The following ROBO2 variants were observed in gnomAD, a reference collection of about 807,000 sequenced individuals.
ROBO2 encodes the protein roundabout homolog 2.
A neutral mutation model predicts 160.8 loss-of-function variants in ROBO2; 53 were observed. The observed-to-expected ratio is 0.33, with a 90% CI of 0.26 to 0.41. ROBO2 has a LOEUF of 0.41. ROBO2 is among the 10% of genes least tolerant of loss of function. The pLI is 1.00. For missense variants in ROBO2, 1,577 were observed against 1,722.4 expected (o/e 0.92, Z 1.49); for synonymous variants, 664 against 611.7 (o/e 1.09, Z -1.26).
At chr3:75,932,967 C>T (rs1947610627) in intron 1 of ROBO2, among the ~76,000 whole-genome samples, 1 of 152,072 alleles carries the variant, frequency 6.6e-6, no homozygotes, top group Non-Finnish European at 1.5e-5. Context: ...ATATACATTA[C>T]AATATTAATT....
chr3:76,081,349 A>C (rs748940020), intron 2 of ROBO2, among the ~76,000 whole-genome samples: 3 of 152,076 alleles, frequency 2.0e-5, no homozygotes, highest in Non-Finnish European at 2.9e-5. Flanking sequence ...ATGTAACTGA[A>C]ACTGTCTGAA....
Position 77,644,690 on chromosome 3 carries a change from T to A in ROBO2, c.3935-14T>A. 6.2e-7 allele frequency: 1 copy of A among 1,613,766 alleles called. No individual in the cohort carries two copies. The highest frequency in any genetic ancestry group is 8.5e-7 in the Non-Finnish European group (1 of 1,179,894). ...TCTGTTCAATTTAGCCTTTGGGTTT[T>A]TTTTCTTTTTCAGAGGAGGCCTTGG... is the stretch of plus-strand genomic sequence containing the variant. On this transcript the variant is annotated splice_polypyrimidine_tract_variant and intron_variant, in intron 24 of 25. Coordinates refer to ENST00000461745, the Ensembl canonical transcript of ROBO2.
intron 2 of ROBO2, among the ~76,000 whole-genome samples, chr3:77,212,606 C>T (rs1340433077): frequency 6.6e-6 from 1 of 152,154 alleles, no homozygotes; most frequent in Non-Finnish European, 1.5e-5. Flanking sequence ...GAACTTCCAA[C>T]ACTATGTTGA....
At chr3:77,499,386 T>G (rs1030662952) in intron 5 of ROBO2, among the ~76,000 whole-genome samples, 1 of 152,276 alleles carries the variant, frequency 6.6e-6, no homozygotes, top group African/African-American at 2.4e-5. Context: ...CCATCCATTC[T>G]AACTCAAAGG....
chr3:76,641,373 T>A (rs1250612129), intron 2 of ROBO2, among the ~76,000 whole-genome samples: 1 of 152,196 alleles, frequency 6.6e-6, no homozygotes, highest in South Asian at 2.1e-4. Flanking sequence ...GATATTGTTA[T>A]CAACAATACA....
chr3:76,443,525 T>C (rs941056792), intron 2 of ROBO2, among the ~76,000 whole-genome samples: 2 of 152,146 alleles, frequency 1.3e-5, no homozygotes, highest in South Asian at 4.1e-4. Context: ...GAGTGTGTCA[T>C]AGAAATTCAG....
chr3:77,248,129 G>A (rs1000806053), intron 2 of ROBO2, among the ~76,000 whole-genome samples: 1 of 152,114 alleles, frequency 6.6e-6, no homozygotes, highest in Non-Finnish European at 1.5e-5. Context: ...ACAGCTTAAC[G>A]GTGTAGCTTC....
chr3:76,036,650 A>G lies in ROBO2; in HGVS notation c.109+99048A>G, dbSNP rs528303758. On this transcript the variant is annotated intron_variant, in intron 2 of 26. Coordinates refer to the ROBO2 transcript ENST00000487694. ...CTCCCTAGTAGCTGGGATTACAGGCATGCACCACCGTACCCAGCTAATTTT... is the reference window on the plus strand; with the variant it reads ...CTCCCTAGTAGCTGGGATTACAGGCGTGCACCACCGTACCCAGCTAATTTT... Among the ~76,000 whole-genome samples, 10 of 151,086 alleles carry G rather than the reference A, an allele frequency of 6.6e-5. 1 individual carries two copies. In the East Asian group the frequency reaches 2.0e-3, roughly 30 times the overall value.
intron 2 of ROBO2, among the ~76,000 whole-genome samples, chr3:76,334,456 A>C (rs892609467): frequency 6.6e-6 from 1 of 152,222 alleles, no homozygotes; most frequent in African/African-American, 2.4e-5. Flanking sequence ...CTGAGCACCC[A>C]GTGAGAGAAA....
At chr3:77,529,653 A>G (rs1721178) in intron 6 of ROBO2, among the ~76,000 whole-genome samples, 114,670 of 151,646 alleles carry the variant, frequency 0.76, 43,618 homozygotes, top group Admixed American at 0.82. Context: ...CATCTGCAAG[A>G]TGTTTCCAAA....
chr3:76,647,512 A>G (rs1315896990), intron 2 of ROBO2, among the ~76,000 whole-genome samples: 2 of 152,236 alleles, frequency 1.3e-5, no homozygotes, highest in African/African-American at 4.8e-5. Flanking sequence ...AGTAAAAGAA[A>G]GAAAAAATTG....
At chr3:77,368,945 G>A (rs9835355) in intron 2 of ROBO2, among the ~76,000 whole-genome samples, 46,799 of 151,980 alleles carry the variant, frequency 0.31, 7,759 homozygotes, top group Non-Finnish European at 0.38. Flanking sequence ...TAATTAATTC[G>A]AAAATTATGC....
chr3:77,598,461 AAT>A (rs1467788979), intron 19 of ROBO2, among the ~76,000 whole-genome samples: 1 of 146,786 alleles, frequency 6.8e-6, no homozygotes, highest in African/African-American at 2.5e-5. Context: ...ATTTATATAG[AAT>A]ATATATATTT....
At chr3:77,059,535 C>A (rs1009402775) in intron 1 of ROBO2, among the ~76,000 whole-genome samples, 23 of 152,146 alleles carry the variant, frequency 1.5e-4, no homozygotes, top group African/African-American at 5.3e-4. Context: ...AGTGGAAAGA[C>A]CCTATTTAAA....
At chr3:77,062,937 G>T (rs370351084) in intron 1 of ROBO2, among the ~76,000 whole-genome samples, 4 of 152,174 alleles carry the variant, frequency 2.6e-5, no homozygotes, top group East Asian at 1.9e-4. Context: ...CTAGTCTAAT[G>T]GCCTCCCAGT....
intron 15 of ROBO2, among the ~76,000 whole-genome samples, chr3:77,579,554 G>C (rs1048947158): frequency 3.9e-5 from 6 of 152,064 alleles, no homozygotes; most frequent in African/African-American, 1.4e-4. Flanking sequence ...AATAAATCTT[G>C]ATAAATAAAA....
chr3:77,266,650 A>G (rs1339957695), intron 2 of ROBO2, among the ~76,000 whole-genome samples: 2 of 152,156 alleles, frequency 1.3e-5, no homozygotes, highest in Non-Finnish European at 2.9e-5. Flanking sequence ...AGACTTCTGT[A>G]TAAATCCCTG....
intron 2 of ROBO2, among the ~76,000 whole-genome samples, chr3:76,220,910 C>T (rs6793680): frequency 0.11 from 16,230 of 152,100 alleles, 1,108 homozygotes; most frequent in African/African-American, 0.2. Context: ...CAAGAACTTC[C>T]ACTGGTTGTA....
chr3:77,317,318 C>G (rs2064107225), intron 2 of ROBO2: 1 of 759,474 alleles, frequency 1.3e-6, no homozygotes, highest in African/African-American at 1.7e-5. Flanking sequence ...AATGCAAGGT[C>G]AGCCTCAGGC....
Sources: allele counts gnomAD v4.1 joint callset (sites outside exome capture counted in the v4.1 genomes callset), GRCh38; gene constraint gnomAD v4.1.1; transcripts MANE v1.5; gene names NCBI Gene and HGNC (gene_info 2026-07-23, HGNC 2026-07-21).